Variants in CWF19L2 observed in about 807,000 individuals in gnomAD.
The protein encoded by CWF19L2 is CWF19-like protein 2.
Under a neutral mutation model 111.7 loss-of-function variants are expected in CWF19L2, and 98 were observed. The observed-to-expected ratio is 0.88, with a 90% CI of 0.75 to 1.04. The LOEUF (loss-of-function observed/expected upper bound fraction) is 1.04, where lower values mean the gene tolerates loss of function less well. Among genes scored for constraint, CWF19L2 ranks in the 50% least tolerant of loss-of-function variants. CWF19L2 has a pLI of 0.00. For synonymous variants in CWF19L2, 351 were observed against 342.9 expected (o/e 1.02, Z -0.26); for missense variants, 1,101 against 1,051.4 (o/e 1.05, Z -0.65).
At chr11:107,402,878 T>TAC (rs1174060854) in intron 10 of CWF19L2, among the ~76,000 whole-genome samples, 1 of 56,132 alleles carries the variant, frequency 1.8e-5, no homozygotes, top group African/African-American at 7.9e-5. Context: ...GGTGTGTATA[T>TAC]ATATATATAT....
Position 107,390,080 on chromosome 11 carries a change from T to A in CWF19L2, c.1866A>T (p.Ala622=). The part of the protein sequence containing the change: ...ENQNKLFMRM[A]SKFMGKTDGD... ...TCCTAGGAATATATCTTACCTTAGA[T>A]GCCATTCTCATAAAGAGCTTGTTTT... The change falls in exon 12 of 18, where the codon GCA becomes GCT. Residue 622 remains alanine, a synonymous_variant. Coordinates refer to ENST00000282251, the MANE Select transcript of CWF19L2 (RefSeq NM_152434.3). 6.2e-7 allele frequency: 1 copy of A among 1,612,662 alleles called. No homozygotes were observed. Among genetic ancestry groups the A allele is most frequent in the African/African-American group, 1.3e-5 (1 of 75,016 alleles).
At chr11:107,365,915 T>C (rs1294333892) in intron 12 of CWF19L2, among the ~76,000 whole-genome samples, 1 of 145,728 alleles carries the variant, frequency 6.9e-6, no homozygotes, top group Non-Finnish European at 1.5e-5. Flanking sequence ...TGATTGTATA[T>C]CTAGAAAACC....
chr11:107,447,447 G>T (rs990603200), intron 3 of CWF19L2, among the ~76,000 whole-genome samples: 1 of 152,164 alleles, frequency 6.6e-6, no homozygotes, highest in East Asian at 1.9e-4. Flanking sequence ...GCTGTAAGCA[G>T]AACAATCCCC....
intron 10 of CWF19L2, among the ~76,000 whole-genome samples, chr11:107,394,893 G>C (rs1222477962): frequency 6.6e-6 from 1 of 152,118 alleles, no homozygotes; most frequent in East Asian, 1.9e-4. Flanking sequence ...TTAAAAATCT[G>C]CAGGGAACAT....
rs115054068 is a variant in CWF19L2, at chr11:107,334,760, G to A, written c.2439+121C>T. 1,730 of 704,502 alleles carry A rather than the reference G, an allele frequency of 2.5e-3. 13 individuals carry two copies. Among genetic ancestry groups the A allele is most frequent in the African/African-American group, 0.022 (1,251 of 55,770 alleles). The allele number at this position is 704,502 out of a possible 1,614,324, so 43.6% of individuals were successfully genotyped here. ...TAGGATAAAAATAACTTCATTTGTC[G>A]AACTAGTAATTTCGCCTTCAGTCAC... On this transcript the variant is annotated intron_variant, in intron 16 of 17. Coordinates refer to ENST00000282251, the MANE Select transcript of CWF19L2 (RefSeq NM_152434.3).
intron 12 of CWF19L2, among the ~76,000 whole-genome samples, chr11:107,389,089 C>T (rs942244798): frequency 3.9e-5 from 6 of 152,072 alleles, no homozygotes; most frequent in Admixed American, 2.0e-4. Flanking sequence ...AACATACTTA[C>T]GTACTTATGT....
At chr11:107,398,702 C>CA (rs1426519399) in intron 10 of CWF19L2, among the ~76,000 whole-genome samples, 2 of 152,182 alleles carry the variant, frequency 1.3e-5, no homozygotes, top group Admixed American at 1.3e-4. Context: ...AAATTCATCA[C>CA]AAAAACATCT....
intron 3 of CWF19L2, among the ~76,000 whole-genome samples, chr11:107,453,003 TTAA>T (rs1185730035): frequency 6.6e-6 from 1 of 151,720 alleles, no homozygotes; most frequent in African/African-American, 2.4e-5. Context: ...ACAAAAAAAT[TTAA>T]TAATAACATA....
intron 10 of CWF19L2, chr11:107,403,416 C>T (rs1351010892): frequency 1.1e-5 from 8 of 751,472 alleles, no homozygotes; most frequent in Admixed American, 5.3e-5. Context: ...TTTTTCTCAT[C>T]TTCTGGTAGG....
intron 16 of CWF19L2, among the ~76,000 whole-genome samples, chr11:107,331,753 T>C (rs1320333920): frequency 1.3e-5 from 2 of 152,234 alleles, no homozygotes; most frequent in Non-Finnish European, 2.9e-5. Context: ...CAACAACCTA[T>C]GGCATATTTG....
intron 16 of CWF19L2, among the ~76,000 whole-genome samples, chr11:107,330,647 CACACA>C (rs1467438612): frequency 2.4e-4 from 6 of 24,728 alleles, no homozygotes; most frequent in Non-Finnish European, 3.5e-4. Context: ...CCCCCCACCA[CACACA>C]CACACACACA....
intron 3 of CWF19L2, among the ~76,000 whole-genome samples, chr11:107,449,137 C>CAAAAAAAAAAAAAAAAAA (rs34294840): frequency 3.5e-5 from 3 of 85,826 alleles, no homozygotes; most frequent in African/African-American, 8.1e-5. Flanking sequence ...TTTTACAGTG[C>CAAAAAAAAAAAAAAAAAA]AAAAAAAAAA....
At chr11:107,359,230 T>C (rs1308501101) in intron 12 of CWF19L2, among the ~76,000 whole-genome samples, 1 of 152,180 alleles carries the variant, frequency 6.6e-6, no homozygotes, top group Non-Finnish European at 1.5e-5. Flanking sequence ...AACAGGCCGC[T>C]TCCATCCTGG....
At chr11:107,425,217 A>ACACAG (rs1861358425) in intron 8 of CWF19L2, among the ~76,000 whole-genome samples, 1 of 116,480 alleles carries the variant, frequency 8.6e-6, no homozygotes, top group Non-Finnish European at 1.8e-5. Flanking sequence ...CACACACACA[A>ACACAG]AGAGGTTGAA....
chr11:107,328,078 T>C (rs1034610311), intron 17 of CWF19L2, among the ~76,000 whole-genome samples: 1 of 149,102 alleles, frequency 6.7e-6, no homozygotes, highest in Non-Finnish European at 1.5e-5. Context: ...AATCCAGCTA[T>C]GCAGCAGACT....
Position 107,455,746 on chromosome 11 carries a change from GC to G in CWF19L2, c.135del (p.Arg45SerfsTer19). 6.5e-7 allele frequency: 1 copy of G among 1,550,182 alleles called. No individual in the cohort carries two copies. On this transcript the variant is annotated frameshift_variant, in exon 2 of 18. Coordinates refer to ENST00000282251, the MANE Select transcript of CWF19L2 (RefSeq NM_152434.3). LOFTEE classifies it high-confidence loss of function. Reference sequence around the variant, plus strand: ...CCCCGAAGTCGCTTAAGTTCTTTACGCCTTTCTTCTTTTTCAAAATTGGCTT... The same window carrying G: ...CCCCGAAGTCGCTTAAGTTCTTTACGCTTTCTTCTTTTTCAAAATTGGCTT... ...QAKANFEKEE[R>X]RKELKRLRGE...
chr11:107,344,748 T>C (rs1170174786), intron 14 of CWF19L2, among the ~76,000 whole-genome samples: 11 of 152,214 alleles, frequency 7.2e-5, no homozygotes, highest in Admixed American at 3.9e-4. Flanking sequence ...CTAGTTGAGA[T>C]TGTCTTTATA....
chr11:107,455,326 A>G (rs1262104679), intron 2 of CWF19L2, among the ~76,000 whole-genome samples: 12 of 152,148 alleles, frequency 7.9e-5, no homozygotes, highest in Admixed American at 4.6e-4. Flanking sequence ...TAAAAAAATT[A>G]TAGGAAAACA....
At chr11:107,399,582 C>A (rs554152188) in intron 10 of CWF19L2, among the ~76,000 whole-genome samples, 2 of 151,986 alleles carry the variant, frequency 1.3e-5, no homozygotes, top group East Asian at 3.9e-4. Context: ...AAACAATAGA[C>A]CTAAGAAATT....
Sources: allele counts gnomAD v4.1 joint callset (sites outside exome capture counted in the v4.1 genomes callset), GRCh38; gene constraint gnomAD v4.1.1; transcripts MANE v1.5; gene names NCBI Gene and HGNC (gene_info 2026-07-23, HGNC 2026-07-21).